CNKSR3: variants seen among roughly 807,000 people sequenced by gnomAD.
The protein encoded by CNKSR3 is CNKSR family member 3.
A neutral mutation model predicts 67.7 loss-of-function variants in CNKSR3; 36 were observed. That is an observed-to-expected ratio of 0.53 (90% confidence interval 0.41 to 0.70). CNKSR3 has a LOEUF of 0.70. Among genes scored for constraint, CNKSR3 ranks in the 30% least tolerant of loss-of-function variants. The probability of loss-of-function intolerance (pLI) is 0.00; values close to 1 mark genes in which losing one functional copy is unlikely to be tolerated. For synonymous variants in CNKSR3, 281 were observed against 271.4 expected (o/e 1.04, Z -0.35); for missense variants, 630 against 695.2 (o/e 0.91, Z 1.05).
Position 154,495,542 on chromosome 6 carries a change from A to ATTTTTTTTTAACAT in CNKSR3, c.52+14520_52+14521insATGTTAAAAAAAAA, listed in dbSNP as rs1217631221. ...CACAACCACACCCACTCATTTTAAC[A>ATTTTTTTTTAACAT]TTTTTTTTTTTTTGTAGAGACAGGC... On this transcript the variant is annotated intron_variant, in intron 1 of 12. Transcript: ENST00000607772. Among the ~76,000 whole-genome samples the ATTTTTTTTTAACAT allele has an allele frequency of 8.8e-3, 1,218 of 138,954 alleles. 13 individuals are homozygous for ATTTTTTTTTAACAT. Among genetic ancestry groups the ATTTTTTTTTAACAT allele is most frequent in the African/African-American group, 0.03 (1,149 of 38,182 alleles). The allele number at this position is 138,954 out of a possible 152,430, so 91.2% of individuals were successfully genotyped here. A position where few individuals can be genotyped will look rare whatever the true frequency, so the allele number is the denominator to read the frequency against.
Position 154,389,199 on chromosome 6 carries a change from C to A in CNKSR3, c.*17155G>T, listed in dbSNP as rs1032212894. 2.0e-5 allele frequency: 3 copies of A among 152,078 alleles called. No homozygotes were observed. Among genetic ancestry groups the A allele is most frequent in the Non-Finnish European group, 4.4e-5 (3 of 68,014 alleles). 9.4% of individuals were successfully genotyped at this position (152,078 alleles called of 1,614,324 possible). On this transcript the variant is annotated 3_prime_UTR_variant, in exon 13 of 13. Transcript: ENST00000607772. ...TCAAAGAGCTTTTCGCCTATGTTTT[C>A]TTCTAGGAGTTTTACAGCTTCAGAT...
chr6:154,474,222 C>G (rs188585421), intron 1 of CNKSR3, among the ~76,000 whole-genome samples: 1 of 151,420 alleles, frequency 6.6e-6, no homozygotes, highest in African/African-American at 2.4e-5. Context: ...ACCATCCTGG[C>G]TCACATGGTG....
chr6:154,415,118 A>G (rs1332230561), intron 9 of CNKSR3, among the ~76,000 whole-genome samples: 1 of 150,262 alleles, frequency 6.7e-6, no homozygotes, highest in Admixed American at 6.6e-5. Flanking sequence ...AAAAAAAAAA[A>G]AAAACAAGAA....
In CNKSR3 at chr6:154,389,569, T is replaced by G. The variant is rs988082068; in HGVS notation, c.*16785A>C. On this transcript the variant is annotated 3_prime_UTR_variant, in exon 13 of 13. Coordinates refer to ENST00000607772, the MANE Select transcript of CNKSR3 (RefSeq NM_173515.4). ...TCTTTCTCAAGATTGATATGGCTAT[T>G]CATGGTCTTTTGTGGTTTCATATGG... 6.6e-6 allele frequency: 1 copy of G among 152,262 alleles called. No individual in the cohort carries two copies. Among genetic ancestry groups the G allele is most frequent in the African/African-American group, 2.4e-5 (1 of 41,464 alleles). 9.4% of individuals were successfully genotyped at this position (152,262 alleles called of 1,614,324 possible).
In CNKSR3 at chr6:154,399,673, G is replaced by C. The variant is rs986569376; in HGVS notation, c.*6681C>G. The C allele has an allele frequency of 5.3e-5, 8 of 152,050 alleles. No homozygotes were observed. Among genetic ancestry groups the C allele is most frequent in the African/African-American group, 1.9e-4 (8 of 41,392 alleles). 9.4% of individuals were successfully genotyped at this position (152,050 alleles called of 1,614,324 possible). ...TGGTGCAGCCTCAGTTGGAGTGACA[G>C]GAAGTTTAGATATGAGTAAGAAAAC... On this transcript the variant is annotated 3_prime_UTR_variant, in exon 13 of 13. Transcript: ENST00000607772.
intron 1 of CNKSR3, among the ~76,000 whole-genome samples, chr6:154,498,700 C>T (rs902115266): frequency 2.6e-5 from 4 of 152,156 alleles, no homozygotes; most frequent in South Asian, 4.1e-4. Flanking sequence ...CTTTTTTATT[C>T]TGGACTCTCA....
chr6:154,486,637 C>T (rs1190445480), intron 1 of CNKSR3, among the ~76,000 whole-genome samples: 1 of 150,470 alleles, frequency 6.6e-6, no homozygotes, highest in African/African-American at 2.5e-5. Flanking sequence ...GGATTACAGG[C>T]ACACACCACC....
intron 9 of CNKSR3, among the ~76,000 whole-genome samples, chr6:154,416,792 T>C (rs1785033287): frequency 1.3e-5 from 2 of 152,154 alleles, no homozygotes; most frequent in Admixed American, 6.5e-5. Context: ...GAAAATATCC[T>C]GGGCACATCG....
intron 1 of CNKSR3, among the ~76,000 whole-genome samples, chr6:154,466,600 T>C (rs1390708640): frequency 6.6e-6 from 1 of 151,980 alleles, no homozygotes; most frequent in East Asian, 1.9e-4. Context: ...CTTGAGCTAT[T>C]GTCCTCCAAT....
chr6:154,411,691 A>G (rs1395873800), intron 10 of CNKSR3, among the ~76,000 whole-genome samples: 1 of 151,884 alleles, frequency 6.6e-6, no homozygotes, highest in Non-Finnish European at 1.5e-5. Flanking sequence ...ATATCCAAAC[A>G]AATATAGCTT....
At chr6:154,503,198 T>C (rs1787032717) in intron 1 of CNKSR3, among the ~76,000 whole-genome samples, 1 of 152,194 alleles carries the variant, frequency 6.6e-6, no homozygotes, top group African/African-American at 2.4e-5. Flanking sequence ...TAGGATAGTG[T>C]GACTAGCCAA....
intron 1 of CNKSR3, among the ~76,000 whole-genome samples, chr6:154,453,228 G>C (rs1007069474): frequency 3.3e-5 from 5 of 152,196 alleles, no homozygotes; most frequent in Non-Finnish European, 5.9e-5. Flanking sequence ...GAAACATAAA[G>C]ATGAGGCCAG....
At chr6:154,504,171 G>A (rs1468935456) in intron 1 of CNKSR3, among the ~76,000 whole-genome samples, 1 of 152,158 alleles carries the variant, frequency 6.6e-6, no homozygotes, top group Non-Finnish European at 1.5e-5. Flanking sequence ...TTAAAAGTGA[G>A]GAAATATGGC....
chr6:154,505,022 T>G (rs1787070216), intron 1 of CNKSR3, among the ~76,000 whole-genome samples: 1 of 151,620 alleles, frequency 6.6e-6, no homozygotes, highest in Admixed American at 6.5e-5. Context: ...AGAGCTTTTC[T>G]GAACTATGGC....
At chr6:154,421,511 T>C (rs1785143201) in intron 9 of CNKSR3, among the ~76,000 whole-genome samples, 1 of 152,250 alleles carries the variant, frequency 6.6e-6, no homozygotes, top group South Asian at 2.1e-4. Context: ...CTTTTCATTC[T>C]TGCTTTATGA....
In CNKSR3 at chr6:154,388,991, G is replaced by A. The variant is rs1052654737; in HGVS notation, c.*17363C>T. On this transcript the variant is annotated 3_prime_UTR_variant, in exon 13 of 13. Transcript: ENST00000607772. ...TATGAATTCCTTACATATTTTAGAT[G>A]TCAACCCTTATCACATACATCGCTT... is the stretch of plus-strand genomic sequence containing the variant. The A allele has an allele frequency of 1.3e-5, 2 of 148,472 alleles. No individual in the cohort carries two copies. The highest frequency in any genetic ancestry group is 3.0e-5 in the Non-Finnish European group (2 of 67,450). The allele number at this position is 148,472 out of a possible 1,614,324, so 9.2% of individuals were successfully genotyped here. A position where few individuals can be genotyped will look rare whatever the true frequency, so the allele number is the denominator to read the frequency against.
At chr6:154,485,181 C>T (rs1408159747) in intron 1 of CNKSR3, among the ~76,000 whole-genome samples, 2 of 152,314 alleles carry the variant, frequency 1.3e-5, no homozygotes, top group East Asian at 1.9e-4. Flanking sequence ...CATCTCCCTA[C>T]ACAGAGTTCC....
At chr6:154,486,801 CT>C (rs913648049) in intron 1 of CNKSR3, among the ~76,000 whole-genome samples, 1 of 152,032 alleles carries the variant, frequency 6.6e-6, no homozygotes, top group African/African-American at 2.4e-5. Context: ...GCCATCTTTT[CT>C]TTTTTTAAAA....
At chr6:154,483,765 TGTAA>T (rs1248317795) in intron 1 of CNKSR3, among the ~76,000 whole-genome samples, 1 of 152,184 alleles carries the variant, frequency 6.6e-6, no homozygotes, top group Non-Finnish European at 1.5e-5. Context: ...TTCCTAGACC[TGTAA>T]GTACATCTGA....
Sources: allele counts gnomAD v4.1 joint callset (sites outside exome capture counted in the v4.1 genomes callset), GRCh38; gene constraint gnomAD v4.1.1; transcripts MANE v1.5; gene names NCBI Gene and HGNC (gene_info 2026-07-23, HGNC 2026-07-21).